Variants in PTPRT observed in about 807,000 individuals in gnomAD.
PTPRT encodes the protein protein tyrosine phosphatase receptor type T, also known as receptor-type tyrosine-protein phosphatase T.
PTPRT carries 56 observed loss-of-function variants against 176.8 expected under a neutral mutation model. That is an observed-to-expected ratio of 0.32 (90% CI 0.26 to 0.40). PTPRT has a LOEUF of 0.40. Ranked by LOEUF, PTPRT falls within the 10% of genes least tolerant of loss-of-function variation. The pLI is 1.00. For synonymous variants in PTPRT, 783 were observed against 739.0 expected, an observed-to-expected ratio of 1.06 and a Z score of -0.96; for missense variants, 1,540 against 1,908.2, an observed-to-expected ratio of 0.81 and a Z score of 3.60.
intron 6 of PTPRT, among the ~76,000 whole-genome samples, chr20:42,691,178 C>A (rs967986649): frequency 6.6e-6 from 1 of 152,208 alleles, no homozygotes; most frequent in African/African-American, 2.4e-5. Flanking sequence ...AACTCACTTT[C>A]AGAAAGCACT....
intron 6 of PTPRT, among the ~76,000 whole-genome samples, chr20:42,736,418 T>C (rs1371317702): frequency 6.6e-6 from 1 of 152,126 alleles, no homozygotes; most frequent in African/African-American, 2.4e-5. Context: ...AATAGAGAAG[T>C]ATCCAAGCCC....
intron 6 of PTPRT, among the ~76,000 whole-genome samples, chr20:42,693,883 C>T (rs1487149793): frequency 6.6e-6 from 1 of 152,060 alleles, no homozygotes; most frequent in Non-Finnish European, 1.5e-5. Flanking sequence ...CCCACTTCCC[C>T]ACCTCATCAT....
At chr20:42,767,744 T>G (rs900868176) in intron 5 of PTPRT, among the ~76,000 whole-genome samples, 21 of 146,032 alleles carry the variant, frequency 1.4e-4, no homozygotes, top group African/African-American at 5.2e-4. Flanking sequence ...CTTTAATGAG[T>G]GCTATATAAA....
chr20:42,434,393 G>A (rs943376870), intron 9 of PTPRT, among the ~76,000 whole-genome samples: 18 of 152,070 alleles, frequency 1.2e-4, no homozygotes, highest in Non-Finnish European at 1.0e-4. Flanking sequence ...AGGCACCGGG[G>A]ATATACCTGT....
intron 27 of PTPRT, among the ~76,000 whole-genome samples, chr20:42,097,355 C>T (rs969223878): frequency 6.6e-6 from 1 of 152,190 alleles, no homozygotes; most frequent in African/African-American, 2.4e-5. Context: ...GTATATTCAT[C>T]CCCTGCCTCG....
intron 1 of PTPRT, among the ~76,000 whole-genome samples, chr20:42,904,800 G>A (rs538780823): frequency 1.3e-5 from 2 of 152,080 alleles, no homozygotes; most frequent in South Asian, 2.1e-4. Flanking sequence ...AAACCTGACA[G>A]AAACAAGAAA....
the PTPRT span, among the ~76,000 whole-genome samples, chr20:42,054,099 G>C: frequency 6.6e-6 from 1 of 152,196 alleles, no homozygotes; most frequent in Admixed American, 6.5e-5. Context: ...GAGAGGCCTT[G>C]AGTATGGGAC....
intron 13 of PTPRT, among the ~76,000 whole-genome samples, chr20:42,251,766 C>A (rs2056555468): frequency 1.3e-5 from 2 of 149,504 alleles, no homozygotes; most frequent in African/African-American, 2.5e-5. Context: ...GGCAAGAAAG[C>A]AAGGAGGGAA....
At chr20:42,794,846 C>G (rs3091958) in intron 2 of PTPRT, among the ~76,000 whole-genome samples, 11,472 of 137,340 alleles carry the variant, frequency 0.084, 564 homozygotes, top group Admixed American at 0.17. Context: ...TCCAGCAATG[C>G]TAGTGTAAGG....
At chr20:43,158,491 A>G (rs2014589554) in intron 1 of PTPRT, among the ~76,000 whole-genome samples, 1 of 152,242 alleles carries the variant, frequency 6.6e-6, no homozygotes, top group African/African-American at 2.4e-5. Context: ...TTACCAACAA[A>G]GAACATCTGG....
intron 1 of PTPRT, among the ~76,000 whole-genome samples, chr20:43,051,364 A>G (rs1222150500): frequency 1.3e-5 from 2 of 152,238 alleles, no homozygotes; most frequent in Non-Finnish European, 2.9e-5. Context: ...CATTCTGTGC[A>G]TTTCAATCAA....
In PTPRT at chr20:42,921,370, C is replaced by A. The variant is rs484922; in HGVS notation, c.89-35438G>T. 7.9e-3 allele frequency among the ~76,000 whole-genome samples: 1,207 copies of A among 152,258 alleles called. 19 individuals are homozygous for A. Among genetic ancestry groups the A allele is most frequent in the African/African-American group, 0.027 (1,141 of 41,546 alleles). Reference sequence around the variant, plus strand: ...TACCTACAGAAAATGTAGACTTCCACACAGTGAGATCTCTATAAAAATGTA... The same window carrying A: ...TACCTACAGAAAATGTAGACTTCCAAACAGTGAGATCTCTATAAAAATGTA... On this transcript the variant is annotated intron_variant, in intron 1 of 30. Transcript: ENST00000373187.
intron 17 of PTPRT, among the ~76,000 whole-genome samples, chr20:42,156,085 A>G (rs1260276221): frequency 6.6e-6 from 1 of 152,066 alleles, no homozygotes; most frequent in Non-Finnish European, 1.5e-5. Flanking sequence ...GCCATAGCTT[A>G]TGCTAGCCGC....
At chr20:42,602,557 A>T (rs1420786443) in intron 7 of PTPRT, among the ~76,000 whole-genome samples, 1 of 152,024 alleles carries the variant, frequency 6.6e-6, no homozygotes, top group African/African-American at 2.4e-5. Flanking sequence ...CAGAGGGGAG[A>T]TCTGAGGCAT....
At chr20:42,596,707 T>A (rs1374137808) in intron 7 of PTPRT, among the ~76,000 whole-genome samples, 2 of 152,204 alleles carry the variant, frequency 1.3e-5, no homozygotes, top group African/African-American at 4.8e-5. Context: ...AAAAATGAAT[T>A]TTTAAAACGA....
At chr20:42,509,575 G>A (rs2071916436) in intron 7 of PTPRT, among the ~76,000 whole-genome samples, 3 of 142,132 alleles carry the variant, frequency 2.1e-5, no homozygotes, top group South Asian at 4.4e-4. Context: ...AACTGTTTGT[G>A]TTGTAAGGTG....
chr20:42,383,504 G>A (rs1194404388), intron 9 of PTPRT, among the ~76,000 whole-genome samples: 1 of 152,152 alleles, frequency 6.6e-6, no homozygotes, highest in African/African-American at 2.4e-5. Flanking sequence ...AGTATAAATG[G>A]GAGGACAGGA....
intron 9 of PTPRT, among the ~76,000 whole-genome samples, chr20:42,376,083 T>C (rs2058646166): frequency 6.6e-6 from 1 of 152,138 alleles, no homozygotes; most frequent in African/African-American, 2.4e-5. Flanking sequence ...CAGCAAATGA[T>C]CACAGTGGAT....
At chr20:42,880,403 C>T (rs6016910) in intron 2 of PTPRT, among the ~76,000 whole-genome samples, 1 of 152,298 alleles carries the variant, frequency 6.6e-6, no homozygotes, top group East Asian at 1.9e-4. Context: ...ATTTTGCAAC[C>T]TGATATTCAA....
Sources: gnomAD v4.1 joint callset for allele counts (sites outside exome capture counted in the v4.1 genomes callset) on GRCh38, gnomAD v4.1.1 for gene constraint, MANE v1.5 for transcripts, NCBI Gene and HGNC (gene_info 2026-07-23, HGNC 2026-07-21) for gene names.